The following BCR variants were observed in gnomAD, a reference collection of about 807,000 sequenced individuals.
BCR encodes the protein BCR activator of RhoGEF and GTPase.
Under a neutral mutation model 138.6 loss-of-function variants are expected in BCR, and 58 were observed. That is an observed-to-expected ratio of 0.42 (90% CI 0.34 to 0.52). The LOEUF (loss-of-function observed/expected upper bound fraction) is 0.52, where lower values mean the gene tolerates loss of function less well. Among genes scored for constraint, BCR ranks in the 20% least tolerant of loss-of-function variants. The probability of loss-of-function intolerance (pLI) is 0.06; values close to 1 mark genes in which losing one functional copy is unlikely to be tolerated. For missense variants in BCR, 1,599 were observed against 1,727.2 expected (o/e 0.93, Z 1.32); for synonymous variants, 786 against 730.1 (o/e 1.08, Z -1.23).
chr22:23,257,277 C>T (rs1271680442), intron 2 of BCR, among the ~76,000 whole-genome samples: 6 of 152,210 alleles, frequency 3.9e-5, no homozygotes, highest in Non-Finnish European at 7.3e-5. Flanking sequence ...GCCAGATGTT[C>T]CCTGAGCGGC....
chr22:23,218,735 G>C (rs1026815649), intron 1 of BCR, among the ~76,000 whole-genome samples: 1 of 152,254 alleles, frequency 6.6e-6, no homozygotes, highest in Non-Finnish European at 1.5e-5. Context: ...GCTTCACCCA[G>C]GACAGCCTGG....
intron 20 of BCR, 132 bp downstream of exon 20, chr22:23,313,153 C>T (rs1385999857): frequency 3.9e-5 from 46 of 1,177,182 alleles, no homozygotes; most frequent in East Asian, 2.6e-5. Flanking sequence ...TTTAACCCAA[C>T]CTCAAAAAGC....
Position 23,182,136 on chromosome 22 carries a change from C to A in BCR, c.1176C>A (p.His392Gln). ...CCACGCCGCAGTGCCATAAGCGGCA[C>A]CGGCACTGCCCGGTTGTCGTGTCCG... ...SPPTPQCHKR[H>Q]RHCPVVVSEA... Residue 392 changes from histidine (H) to glutamine (Q), a missense_variant, in exon 1 of 23, where the codon CAC becomes CAA. Physicochemically the swap from His to Gln is conservative, Grantham distance 24. This residue lies in a region of BCR where 806 missense variants were observed against 635.0 expected (regional missense o/e 1.27). Transcript: ENST00000305877. The A allele has an allele frequency of 6.2e-7, 1 of 1,610,640 alleles. No homozygotes were observed. Among genetic ancestry groups the A allele is most frequent in the Non-Finnish European group, 8.5e-7 (1 of 1,179,896 alleles).
rs748476079 is a variant in BCR, at chr22:23,261,016, G to A, written c.1528G>A (p.Glu510Lys). 3.1e-6 allele frequency: 5 copies of A among 1,613,814 alleles called. No homozygotes were observed. Among genetic ancestry groups the A allele is most frequent in the African/African-American group, 1.3e-5 (1 of 74,900 alleles). The change falls in exon 3 of 23, where the codon GAG becomes AAG. Residue 510 changes from glutamate (E) to lysine (K), a missense_variant. This residue lies in a region of BCR where 590 missense variants were observed against 762.4 expected (regional missense o/e 0.77). Transcript: ENST00000305877. The part of the protein sequence containing the change: ...KWVLSGILAS[E>K]ETYLSHLEAL... ...GGTCCTGTCGGGAATCCTGGCTAGC[G>A]AGGAGACTTACCTGAGCCACCTGGA... is the stretch of plus-strand genomic sequence containing the variant.
At chr22:23,300,925 C>T (rs2073896072) in intron 16 of BCR, among the ~76,000 whole-genome samples, 1 of 152,202 alleles carries the variant, frequency 6.6e-6, no homozygotes, top group Non-Finnish European at 1.5e-5. Context: ...ATAAATAGAG[C>T]AGGAGAAATG....
intron 16 of BCR, among the ~76,000 whole-genome samples, chr22:23,300,545 G>A (rs181008889): frequency 8.9e-4 from 136 of 152,222 alleles, no homozygotes; most frequent in Non-Finnish European, 1.2e-3. Flanking sequence ...CTTTGCATTC[G>A]CAAGCTGTTG....
chr22:23,311,589 C>T lies in BCR; in HGVS notation c.3183-108C>T, dbSNP rs1202168403. 1.0e-4 allele frequency: 90 copies of T among 858,654 alleles called. No homozygotes were observed. The Middle Eastern group carries it at 1.1e-3, about 10-fold the overall frequency. 53.2% of individuals were successfully genotyped at this position (858,654 alleles called of 1,614,324 possible). A position where few individuals can be genotyped will look rare whatever the true frequency, so the allele number is the denominator to read the frequency against. On this transcript the variant is annotated intron_variant, in intron 18 of 22. Transcript: ENST00000305877. ...GTGCAGCCCCAGACCTGGGTACCTT[C>T]GTCACCGTCCTCACCCCACCTCCGG...
intron 4 of BCR, chr22:23,261,880 T>G (rs1016355153): frequency 2.9e-5 from 5 of 171,898 alleles, no homozygotes; most frequent in African/African-American, 9.6e-5. Context: ...ACCTCCTTCC[T>G]TTCCAACCTT....
At position 23,287,281 on chromosome 22, in the gene BCR, G is replaced by A. The variant is rs2073726134; in HGVS notation, c.2526+3G>A. ...GGGTGCACAGCCGCAACGGCAAGGTGAGCGCCTGCTGTTCCGGCCCCTCCT... is the reference window on the plus strand; with the variant it reads ...GGGTGCACAGCCGCAACGGCAAGGTAAGCGCCTGCTGTTCCGGCCCCTCCT... On this transcript the variant is annotated splice_donor_region_variant and intron_variant, in intron 11 of 22. Transcript: ENST00000305877. The A allele has an allele frequency of 6.5e-7, 1 of 1,540,590 alleles. No individual in the cohort carries two copies. Among genetic ancestry groups the A allele is most frequent in the Non-Finnish European group, 8.8e-7 (1 of 1,141,362 alleles).
intron 14 of BCR, among the ~76,000 whole-genome samples, chr22:23,291,430 A>G (rs1379994991): frequency 6.6e-6 from 1 of 152,090 alleles, no homozygotes; most frequent in African/African-American, 2.4e-5. Flanking sequence ...GATGAATTAC[A>G]TGACATGCAG....
intron 16 of BCR, among the ~76,000 whole-genome samples, chr22:23,299,203 C>A (rs775260891): frequency 1.3e-5 from 2 of 152,114 alleles, no homozygotes; most frequent in Non-Finnish European, 2.9e-5. Flanking sequence ...TCACCGTGGT[C>A]TCGATCTCCT....
intron 4 of BCR, among the ~76,000 whole-genome samples, chr22:23,262,267 C>T (rs551506267): frequency 6.6e-6 from 1 of 152,336 alleles, no homozygotes; most frequent in Non-Finnish European, 1.5e-5. Context: ...AGCCCTTCCC[C>T]CAGCACTTCT....
Position 23,238,891 on chromosome 22 carries a change from G to A in BCR, c.1280-14908G>A, listed in dbSNP as rs149189742. ...GCAAGGGGGGTGGGGGGCAGGTGGC[G>A]GGGTTGGTTCGAGTCTCAAACTGTC... On this transcript the variant is annotated intron_variant, in intron 1 of 22. Coordinates refer to ENST00000305877, the MANE Select transcript of BCR (RefSeq NM_004327.4). Among the ~76,000 whole-genome samples, 434 of 136,196 alleles carry A rather than the reference G, an allele frequency of 3.2e-3. 3 individuals are homozygous for A. The East Asian group carries it at 0.048, about 15-fold the overall frequency. 89.3% of individuals were successfully genotyped at this position (136,196 alleles called of 152,430 possible).
chr22:23,208,878 G>A (rs1287542816), intron 1 of BCR, among the ~76,000 whole-genome samples: 2 of 151,740 alleles, frequency 1.3e-5, no homozygotes, highest in East Asian at 1.9e-4. Flanking sequence ...AAAAGCTTCT[G>A]GACTCATTAA....
chr22:23,274,054 CT>C (rs542784650), intron 8 of BCR, among the ~76,000 whole-genome samples: 35 of 151,552 alleles, frequency 2.3e-4, no homozygotes, highest in Middle Eastern at 6.8e-3. Context: ...CCAGGGACCC[CT>C]TTTTTTTTAT....
At chr22:23,214,990 A>G (rs1484244673) in intron 1 of BCR, among the ~76,000 whole-genome samples, 1 of 151,030 alleles carries the variant, frequency 6.6e-6, no homozygotes, top group Non-Finnish European at 1.5e-5. Context: ...ACAACTCTCT[A>G]CTCCCTCCTC....
chr22:23,306,840 C>T (rs2073957824), intron 16 of BCR: 1 of 152,632 alleles, frequency 6.6e-6, no homozygotes, highest in Non-Finnish European at 1.5e-5. Context: ...GGTACTTCCA[C>T]CCCAGCCGGG....
chr22:23,263,436 T>G (rs1453335933), intron 4 of BCR: 1 of 1,348,826 alleles, frequency 7.4e-7, no homozygotes, highest in Non-Finnish European at 1.1e-6. Flanking sequence ...GATAGTGGGG[T>G]GCTGCCGAGA....
chr22:23,243,648 A>AT (rs34022408), intron 1 of BCR, among the ~76,000 whole-genome samples: 28,605 of 141,188 alleles, frequency 0.2, 3,294 homozygotes, highest in East Asian at 0.56. Context: ...TGTTCTAGCA[A>AT]TTTTTTTTTT....
Sources: gnomAD v4.1 joint callset for allele counts (sites outside exome capture counted in the v4.1 genomes callset) on GRCh38, gnomAD v4.1.1 for gene constraint, gnomAD v4.1.1 regional missense constraint, MANE v1.5 for transcripts, NCBI Gene and HGNC (gene_info 2026-07-23, HGNC 2026-07-21) for gene names.